DTNB: variants seen among roughly 807,000 people sequenced by gnomAD.
The protein encoded by DTNB is dystrobrevin beta.
A neutral mutation model predicts 90.7 loss-of-function variants in DTNB; 63 were observed. The observed-to-expected ratio is 0.69, with a 90% CI of 0.57 to 0.86. The LOEUF is 0.86. DTNB is among the 40% of genes least tolerant of loss of function. The pLI is 0.00. For missense variants in DTNB, 744 were observed against 807.1 expected (o/e 0.92, Z 0.95); for synonymous variants, 277 against 286.7 (o/e 0.97, Z 0.34).
At chr2:25,616,785 A>T (rs1237286377) in intron 4 of DTNB, among the ~76,000 whole-genome samples, 1 of 151,664 alleles carries the variant, frequency 6.6e-6, no homozygotes, top group African/African-American at 2.4e-5. Context: ...ACAAAAAATT[A>T]GCCGGGCGTG....
intron 4 of DTNB, among the ~76,000 whole-genome samples, chr2:25,623,086 A>C (rs1251938367): frequency 6.6e-6 from 1 of 152,230 alleles, no homozygotes; most frequent in African/African-American, 2.4e-5. Flanking sequence ...TAGAAATGCC[A>C]ACAATCAGAA....
intron 3 of DTNB, among the ~76,000 whole-genome samples, chr2:25,638,513 G>C (rs985636923): frequency 6.6e-6 from 1 of 152,132 alleles, no homozygotes; most frequent in African/African-American, 2.4e-5. Flanking sequence ...GAAATAAAGA[G>C]AAGAAAGATT....
intron 10 of DTNB, among the ~76,000 whole-genome samples, chr2:25,471,465 T>C (rs1051901747): frequency 2.0e-5 from 3 of 151,892 alleles, no homozygotes; most frequent in South Asian, 2.1e-4. Context: ...CAATCTCAAT[T>C]GCTCACTGAA....
intron 6 of DTNB, among the ~76,000 whole-genome samples, chr2:25,585,057 CCTAT>C (rs534614200): frequency 7.2e-5 from 11 of 152,026 alleles, no homozygotes; most frequent in Non-Finnish European, 1.5e-4. Context: ...CTTTTTGTCC[CCTAT>C]CTTTTTATTT....
intron 15 of DTNB, among the ~76,000 whole-genome samples, chr2:25,426,950 T>C (rs1443102483): frequency 1.3e-5 from 2 of 152,014 alleles, no homozygotes; most frequent in Non-Finnish European, 2.9e-5. Flanking sequence ...CTGAAGTGGG[T>C]GGATCACCTG....
intron 4 of DTNB, among the ~76,000 whole-genome samples, chr2:25,608,996 G>A (rs2067774963): frequency 6.6e-6 from 1 of 152,102 alleles, no homozygotes; most frequent in Non-Finnish European, 1.5e-5. Context: ...ATGATTCTTG[G>A]GGCAGCACCC....
At chr2:25,525,369 G>A (rs1448929690) in intron 9 of DTNB, among the ~76,000 whole-genome samples, 1 of 152,152 alleles carries the variant, frequency 6.6e-6, no homozygotes, top group African/African-American at 2.4e-5. Flanking sequence ...TCCAAGCTGG[G>A]CGCAGTGGCT....
At chr2:25,379,955 C>A (rs1488343851) in intron 19 of DTNB, 2 of 152,418 alleles carry the variant, frequency 1.3e-5, no homozygotes, top group African/African-American at 4.8e-5. Context: ...GTCTGTGCTT[C>A]TTCTATGTGT....
chr2:25,455,531 CA>C, intron 10 of DTNB, 37 bp from the exon 11 acceptor site: 1 of 1,529,780 alleles, frequency 6.5e-7, no homozygotes, highest in Non-Finnish European at 8.9e-7. Flanking sequence ...AAGCGTGACA[CA>C]AACACATACA....
chr2:25,656,322 T>A (rs1048480072), intron 1 of DTNB, among the ~76,000 whole-genome samples: 3 of 152,242 alleles, frequency 2.0e-5, no homozygotes, highest in Admixed American at 1.3e-4. Context: ...AATGCCTGTA[T>A]CTTTGTAATT....
At chr2:25,582,993 A>G (rs2061774758) in intron 6 of DTNB, among the ~76,000 whole-genome samples, 1 of 152,036 alleles carries the variant, frequency 6.6e-6, no homozygotes, top group Admixed American at 6.6e-5. Flanking sequence ...GGGCGTGGCA[A>G]CTCACACCTG....
chr2:25,570,832 G>A (rs532766068), intron 8 of DTNB, among the ~76,000 whole-genome samples: 1 of 152,272 alleles, frequency 6.6e-6, no homozygotes, highest in African/African-American at 2.4e-5. Context: ...CATGGTGTAA[G>A]TGGTATCACC....
At chr2:25,507,020 G>T (rs1361078003) in intron 9 of DTNB, among the ~76,000 whole-genome samples, 1 of 151,968 alleles carries the variant, frequency 6.6e-6, no homozygotes, top group Non-Finnish European at 1.5e-5. Flanking sequence ...TAGAAAAAAA[G>T]AATTTTAAAA....
intron 10 of DTNB, among the ~76,000 whole-genome samples, chr2:25,479,267 T>G (rs1468069313): frequency 2.0e-5 from 3 of 152,176 alleles, no homozygotes; most frequent in Non-Finnish European, 2.9e-5. Flanking sequence ...ATTTTCCATA[T>G]TTGTCTGAAT....
rs1575099497 is a variant in DTNB at position 25,495,467 on chromosome 2, C to G, written c.1002-12594G>C. ...AACAATATATTGTCTAGAAAGAAAA[C>G]CAGTTTTCTTATTATTCCATTATGA... On this transcript the variant is annotated intron_variant, in intron 9 of 20. Coordinates refer to ENST00000406818, the MANE Select transcript of DTNB (RefSeq NM_021907.5). Among the ~76,000 whole-genome samples the G allele has an allele frequency of 2.0e-5, 3 of 152,226 alleles. No individual in the cohort carries two copies. The South Asian group carries it at 6.2e-4, about 32-fold the overall frequency.
chr2:25,386,486 C>A (rs1233471268), intron 18 of DTNB, among the ~76,000 whole-genome samples: 1 of 152,220 alleles, frequency 6.6e-6, no homozygotes, highest in Non-Finnish European at 1.5e-5. Context: ...ACCTACAGCG[C>A]TTAGGGAGGG....
At chr2:25,540,539 A>T (rs532579659) in intron 8 of DTNB, among the ~76,000 whole-genome samples, 13 of 152,120 alleles carry the variant, frequency 8.5e-5, no homozygotes, top group Non-Finnish European at 1.6e-4. Context: ...TGCAACGCTC[A>T]ATCATTTAAA....
At chr2:25,386,206 T>C (rs2039431377) in intron 18 of DTNB, 1 of 759,618 alleles carries the variant, frequency 1.3e-6, no homozygotes, top group East Asian at 1.3e-4. Context: ...CTCACTTTGG[T>C]CTGTATGAAA....
At position 25,595,195 on chromosome 2, in the gene DTNB, G is replaced by A. The variant is rs554902646; in HGVS notation, c.603+891C>T. The A allele has an allele frequency of 5.3e-5, 8 of 152,272 alleles. 1 individual carries two copies. In the South Asian group the frequency reaches 6.2e-4, roughly 12 times the overall value. 9.4% of individuals were successfully genotyped at this position (152,272 alleles called of 1,614,324 possible). A position where few individuals can be genotyped will look rare whatever the true frequency, so the allele number is the denominator to read the frequency against. On this transcript the variant is annotated intron_variant, in intron 6 of 20. Coordinates refer to ENST00000406818, the MANE Select transcript of DTNB (RefSeq NM_021907.5). ...GAGTACTTCTCAATGCGTCCTATCA[G>A]GAGGCAGGCGGTATCAGTTTATCCC...
Sources: gnomAD v4.1 joint callset for allele counts (sites outside exome capture counted in the v4.1 genomes callset) on GRCh38, gnomAD v4.1.1 for gene constraint, MANE v1.5 for transcripts, NCBI Gene and HGNC (gene_info 2026-07-23, HGNC 2026-07-21) for gene names.